Variants in PTPRH observed in about 807,000 individuals in gnomAD.
PTPRH encodes the protein receptor-type tyrosine-protein phosphatase H.
Under a neutral mutation model 130.2 loss-of-function variants are expected in PTPRH, and 113 were observed. The observed-to-expected ratio is 0.87, with a 90% CI of 0.75 to 1.01. PTPRH has a LOEUF of 1.01. Among genes scored for constraint, PTPRH ranks in the 50% least tolerant of loss-of-function variants. PTPRH has a pLI of 0.00. For synonymous variants in PTPRH, 556 were observed against 577.9 expected (o/e 0.96, Z 0.54); for missense variants, 1,430 against 1,425.0 (o/e 1.00, Z -0.06).
At chr19:55,184,067 T>C (rs145844812) in intron 18 of PTPRH, among the ~76,000 whole-genome samples, 2,691 of 151,866 alleles carry the variant, frequency 0.018, 86 homozygotes, top group African/African-American at 0.061. Flanking sequence ...GTCGGATCAC[T>C]TGAGGTTGGG....
rs763959441 is a variant in PTPRH, at chr19:55,197,276, C to T, written c.1831G>A (p.Gly611Arg). ...ACCCAATTCGCTTGGGGATCTTGCC[C>T]CCTCCGGGGATGTCCCTTGCTGGCC... ...QWASKGHPRR[G>R]QDPQANWVNQ... Residue 611 changes from glycine to arginine, a missense_variant, in exon 9 of 20, where the codon GGG (glycine) becomes AGG (arginine). Physicochemically the swap from Gly to Arg is moderately radical, Grantham distance 125. Transcript: ENST00000376350. 6.2e-7 allele frequency: 1 copy of T among 1,614,266 alleles called. No individual in the cohort carries two copies. The highest frequency in any genetic ancestry group is 8.5e-7 in the Non-Finnish European group (1 of 1,180,052).
At chr19:55,185,115 C>T (rs954304258) in intron 18 of PTPRH, among the ~76,000 whole-genome samples, 3 of 151,936 alleles carry the variant, frequency 2.0e-5, no homozygotes, top group Non-Finnish European at 2.9e-5. Flanking sequence ...CTGCCTCAGC[C>T]TCCTGAGTAG....
At position 55,186,352 on chromosome 19, in the gene PTPRH, C is replaced by T. The variant is rs2055734833; in HGVS notation, c.2651G>A (p.Trp884Ter). ...YINASFMPGL[W>*]SPQEFIATQG... ...GGTTGCAATGAACTCCTGGGGGCTCCAGAGACCCTGGTTGAGGAAGGCAGG... is the reference window on the plus strand; with the variant it reads ...GGTTGCAATGAACTCCTGGGGGCTCTAGAGACCCTGGTTGAGGAAGGCAGG... Residue 884 changes from tryptophan (W) to a stop codon, truncating the protein, a stop_gained, in exon 16 of 20, where the codon TGG becomes TAG. Transcript: ENST00000376350. LOFTEE classifies it high-confidence loss of function. The T allele has an allele frequency of 7.4e-6, 12 of 1,613,638 alleles. No homozygotes were observed. The highest frequency in any genetic ancestry group is 1.0e-5 in the Non-Finnish European group (12 of 1,179,786).
At chr19:55,194,541 T>C (rs1197698975) in intron 10 of PTPRH, among the ~76,000 whole-genome samples, 1 of 152,162 alleles carries the variant, frequency 6.6e-6, no homozygotes, top group East Asian at 1.9e-4. Context: ...CCCAATCTCA[T>C]AAGAAACCCT....
intron 12 of PTPRH, among the ~76,000 whole-genome samples, 190 bp downstream of exon 12, chr19:55,191,311 C>T (rs1266265863): frequency 1.3e-5 from 2 of 152,172 alleles, no homozygotes; most frequent in African/African-American, 4.8e-5. Context: ...GAACTGAATT[C>T]GCTGGCCCAG....
In PTPRH at chr19:55,197,308, A is replaced by C. The variant is rs2045086554; in HGVS notation, c.1799T>G (p.Val600Gly). 1 of 1,614,056 alleles carries C rather than the reference A, an allele frequency of 6.2e-7. No homozygotes were observed. The highest frequency in any genetic ancestry group is 1.3e-5 in the African/African-American group (1 of 74,908). Residue 600 changes from valine (V) to glycine (G), a missense_variant, in exon 9 of 20, where the codon GTC (valine) becomes GGC (glycine). Val to Gly is a moderately radical substitution (Grantham distance 109). Transcript: ENST00000376350. ...DPHSQLYVYW[V>G]QWASKGHPRR... The stretch of plus-strand genomic sequence containing the variant: ...GGGATGTCCCTTGCTGGCCCACTGG[A>C]CCCAGTATACGTACAACTGAGAGTG...
At chr19:55,187,897 T>C (rs1170398280) in intron 13 of PTPRH, among the ~76,000 whole-genome samples, 181 bp downstream of exon 13, 1 of 151,840 alleles carries the variant, frequency 6.6e-6, no homozygotes, top group Non-Finnish European at 1.5e-5. Flanking sequence ...TGACCCACCA[T>C]TATTTTAAGA....
intron 8 of PTPRH, among the ~76,000 whole-genome samples, chr19:55,197,907 A>G (rs1364173091): frequency 6.6e-6 from 1 of 152,092 alleles, no homozygotes; most frequent in African/African-American, 2.4e-5. Context: ...CCAAATGACC[A>G]AGGATTAAAG....
chr19:55,191,559 G>A lies in PTPRH; in HGVS notation c.2337-11C>T, dbSNP rs745748306. On this transcript the variant is annotated splice_polypyrimidine_tract_variant and intron_variant, in intron 11 of 19. Transcript: ENST00000376350. ...TGCTTCTTCTTATTCCTGGGAAAAG[G>A]ACGTTAGGATGAGAGGCTCAGGGGG... 1 of 1,614,158 alleles carries A rather than the reference G, an allele frequency of 6.2e-7. No individual in the cohort carries two copies. Among genetic ancestry groups the A allele is most frequent in the South Asian group, 1.1e-5 (1 of 91,076 alleles).
At chr19:55,187,105 G>A (rs1389643345) in intron 14 of PTPRH, among the ~76,000 whole-genome samples, 9 of 151,376 alleles carry the variant, frequency 5.9e-5, no homozygotes, top group Non-Finnish European at 1.0e-4. Flanking sequence ...CAGCACTTTG[G>A]GAGGCCGAGG....
chr19:55,184,549 G>A (rs1177667727), intron 18 of PTPRH, among the ~76,000 whole-genome samples: 4 of 152,032 alleles, frequency 2.6e-5, no homozygotes, highest in Non-Finnish European at 4.4e-5. Flanking sequence ...AGCACTTTGG[G>A]AGGCAGAGGC....
intron 14 of PTPRH, 113 bp downstream of exon 14, chr19:55,187,400 G>T: frequency 5.6e-5 from 26 of 464,734 alleles, no homozygotes; most frequent in Non-Finnish European, 7.9e-5. Context: ...AAAAAAAGGA[G>T]ACCCACGGTA....
chr19:55,192,456 A>T (rs915970754), intron 10 of PTPRH, among the ~76,000 whole-genome samples: 1 of 152,100 alleles, frequency 6.6e-6, no homozygotes, highest in African/African-American at 2.4e-5. Context: ...TTACAGATGA[A>T]ATGTATGTTG....
chr19:55,194,351 G>A (rs183922471), intron 10 of PTPRH: 72 of 1,237,764 alleles, frequency 5.8e-5, no homozygotes, highest in African/African-American at 3.6e-4. Context: ...CAACCTGTAC[G>A]GGAGACTTGG....
rs1225879127 is a variant in PTPRH at position 55,182,119 on chromosome 19, G to A, written c.3095C>T (p.Ala1032Val). The change falls in exon 19 of 20, where the codon GCC (alanine) becomes GTC (valine). Residue 1032 changes from alanine (A) to valine (V), a missense_variant. Ala to Val is a moderately conservative substitution (Grantham distance 64). Transcript: ENST00000376350. ...CAGCTGCCGGAGCAGGACGTCCAGG[G>A]CAATGAGGGTTCCTGTGCGACCCAC... The part of the protein sequence containing the change: ...AGVGRTGTLI[A>V]LDVLLRQLQS... The A allele has an allele frequency of 1.2e-6, 2 of 1,613,902 alleles. No homozygotes were observed. The highest frequency in any genetic ancestry group is 3.3e-5 in the Admixed American group (2 of 59,996).
intron 2 of PTPRH, 89 bp from the exon 3 acceptor site, chr19:55,207,044 A>G (rs1330489045): frequency 6.4e-7 from 1 of 1,553,860 alleles, no homozygotes; most frequent in Non-Finnish European, 8.7e-7. Context: ...AAGTCCAGAA[A>G]CAACGGCGCT....
In PTPRH at chr19:55,209,117, C is replaced by T. The variant is rs1332748637; in HGVS notation, c.51+266G>A. ...GCAGACACGACAGTGTCTAAGGGCC[C>T]GGGTGAAGCTGGTGTCCCCCACAAC... On this transcript the variant is annotated intron_variant, in intron 1 of 19. Coordinates refer to ENST00000376350, the MANE Select transcript of PTPRH (RefSeq NM_002842.5). This position sits in a 1 kb window ranked among gnomAD's most constrained non-coding sequence, Gnocchi z 4.1. Among the ~76,000 whole-genome samples, 4 of 151,748 alleles carry T rather than the reference C, an allele frequency of 2.6e-5. No homozygotes were observed. The highest frequency in any genetic ancestry group is 2.1e-4 in the South Asian group (1 of 4,764).
rs551012038 is a variant in PTPRH, at chr19:55,182,025, C to G, written c.3189G>C (p.Val1063=). ...RKMRESRPLM[V]QTEAQYVFLH... is the part of the protein sequence containing the mutation. ...TGAGGGACTGCCTCACCTCAGTCTG[C>G]ACCATCAACGGCCGACTCTCTCTCA... The change falls in exon 19 of 20, where the codon GTG becomes GTC. Residue 1063 remains valine (V), a synonymous_variant. Coordinates refer to ENST00000376350, the MANE Select transcript of PTPRH (RefSeq NM_002842.5). 4 of 1,614,154 alleles carry G rather than the reference C, an allele frequency of 2.5e-6. No homozygotes were observed. The African/African-American group carries it at 5.3e-5, about 22-fold the overall frequency.
At chr19:55,189,963 C>T (rs1180315082) in intron 12 of PTPRH, among the ~76,000 whole-genome samples, 3 of 152,026 alleles carry the variant, frequency 2.0e-5, no homozygotes, top group South Asian at 2.1e-4. Flanking sequence ...CACTGCACTC[C>T]AGCCTGGGCC....
Sources: gnomAD v4.1 joint callset for allele counts (sites outside exome capture counted in the v4.1 genomes callset) on GRCh38, gnomAD v4.1.1 for gene constraint, Gnocchi (gnomAD v3.1) non-coding constraint, MANE v1.5 for transcripts, NCBI Gene and HGNC (gene_info 2026-07-23, HGNC 2026-07-21) for gene names.